Variants in HDDC2 observed in about 807,000 individuals in gnomAD.
HDDC2 encodes HD domain containing 2.
A neutral mutation model predicts 25.5 loss-of-function variants in HDDC2; 25 were observed. The ratio of observed to expected loss-of-function variants is 0.98; its 90% CI spans 0.72 to 1.37. The LOEUF (loss-of-function observed/expected upper bound fraction) is 1.37. Ranked by LOEUF, HDDC2 falls within the 40% of genes most tolerant of loss-of-function variation. HDDC2 has a pLI of 0.00. For missense variants in HDDC2, 264 were observed against 253.1 expected (o/e 1.04, Z -0.29); for synonymous variants, 106 against 89.7 (o/e 1.18, Z -1.03).
chr6:125,276,276 C>A (rs1250553813), intron 5 of HDDC2, 33 bp from the exon 6 acceptor site: 3 of 1,473,290 alleles, frequency 2.0e-6, no homozygotes, highest in Non-Finnish European at 2.8e-6. Flanking sequence ...AAAATACATT[C>A]CCATATTGAC....
intron 4 of HDDC2, among the ~76,000 whole-genome samples, chr6:125,289,645 G>C (rs1410737511): frequency 6.6e-6 from 1 of 152,124 alleles, no homozygotes; most frequent in Non-Finnish European, 1.5e-5. Context: ...TCCCTCCAGG[G>C]TTCTGGGGTC....
At chr6:125,283,853 G>A (rs1433834427) in intron 4 of HDDC2, among the ~76,000 whole-genome samples, 3 of 152,056 alleles carry the variant, frequency 2.0e-5, no homozygotes, top group Admixed American at 2.0e-4. Flanking sequence ...AGCCCACATA[G>A]CCAACACAAT....
At chr6:125,276,992 G>C in intron 5 of HDDC2, 110 bp downstream of exon 5, 1 of 1,045,314 alleles carries the variant, frequency 9.6e-7, no homozygotes, top group Non-Finnish European at 1.4e-6. Flanking sequence ...TGCTCCACAT[G>C]AAAGGGTCAG....
intron 3 of HDDC2, 122 bp downstream of exon 3, chr6:125,298,592 A>T: frequency 1.4e-6 from 1 of 712,870 alleles, no homozygotes. Flanking sequence ...CCCCTTCCTA[A>T]GACACTACTA....
rs1008727982 is a variant in HDDC2 at position 125,275,894 on chromosome 6, A to T, written c.*252T>A. On this transcript the variant is annotated 3_prime_UTR_variant, in exon 6 of 6. Transcript: ENST00000398153. ...AAATATTCTAATATTTTAGGTGTTT[A>T]ATATTTATTTATTTAGTTCATAAAC... 4 of 440,798 alleles carry T rather than the reference A, an allele frequency of 9.1e-6. No homozygotes were observed. Among genetic ancestry groups the T allele is most frequent in the African/African-American group, 8.1e-5 (4 of 49,530 alleles). 27.3% of individuals were successfully genotyped at this position (440,798 alleles called of 1,614,324 possible).
At chr6:125,284,674 G>T (rs908780691) in intron 4 of HDDC2, among the ~76,000 whole-genome samples, 2 of 152,204 alleles carry the variant, frequency 1.3e-5, no homozygotes, top group Non-Finnish European at 2.9e-5. Context: ...ACAGATGCTG[G>T]AGAGGATGTG....
chr6:125,281,699 C>A (rs954323578), intron 4 of HDDC2, among the ~76,000 whole-genome samples: 1 of 152,086 alleles, frequency 6.6e-6, no homozygotes, highest in Non-Finnish European at 1.5e-5. Context: ...AAATATGGGA[C>A]TATGTGAAAA....
intron 5 of HDDC2, 50 bp downstream of exon 5, chr6:125,277,052 C>T (rs1451916817): frequency 1.9e-6 from 3 of 1,599,126 alleles, no homozygotes; most frequent in Non-Finnish European, 1.7e-6. Flanking sequence ...AGTCACTACA[C>T]TGAGTAAGCC....
Position 125,277,324 on chromosome 6 carries a change from T to G in HDDC2, c.379-84A>C. 2.3e-6 allele frequency: 3 copies of G among 1,280,884 alleles called. 1 individual carries two copies. The South Asian group carries it at 3.9e-5, about 17-fold the overall frequency. The allele number at this position is 1,280,884 out of a possible 1,614,324, so 79.3% of individuals were successfully genotyped here. A position where few individuals can be genotyped will look rare whatever the true frequency, so the allele number is the denominator to read the frequency against. On this transcript the variant is annotated intron_variant, in intron 4 of 5. Transcript: ENST00000398153. ...AAAATTCTGACTCTGGTACCCGAAA[T>G]CAGAGTGACAGCTACAAGTACATTC...
chr6:125,282,921 C>A (rs113795390), intron 4 of HDDC2, among the ~76,000 whole-genome samples: 2,274 of 152,250 alleles, frequency 0.015, 79 homozygotes, highest in African/African-American at 0.052. Flanking sequence ...CAAAGAAGGG[C>A]ATTACATAAT....
At chr6:125,287,929 ACGAAGGC>A (rs1402406000) in intron 4 of HDDC2, among the ~76,000 whole-genome samples, 2 of 152,146 alleles carry the variant, frequency 1.3e-5, no homozygotes, top group East Asian at 1.9e-4. Flanking sequence ...CCACACCCAC[ACGAAGGC>A]CGAAGGCCGG....
At chr6:125,283,258 G>A (rs1798486061) in intron 4 of HDDC2, among the ~76,000 whole-genome samples, 1 of 152,150 alleles carries the variant, frequency 6.6e-6, no homozygotes, top group Non-Finnish European at 1.5e-5. Flanking sequence ...ACCGGCACAA[G>A]ACAAGGATGC....
intron 3 of HDDC2, among the ~76,000 whole-genome samples, chr6:125,298,241 T>C (rs1304431467): frequency 6.6e-6 from 1 of 152,032 alleles, no homozygotes; most frequent in African/African-American, 2.4e-5. Flanking sequence ...AAATAAAAGG[T>C]GAAATTAACA....
chr6:125,289,641 C>A (rs1004820343), intron 4 of HDDC2, among the ~76,000 whole-genome samples: 2 of 152,266 alleles, frequency 1.3e-5, no homozygotes, highest in South Asian at 4.2e-4. Flanking sequence ...ACTCTCCCTC[C>A]AGGGTTCTGG....
At chr6:125,301,442 T>TACACAC (rs3039619) in intron 1 of HDDC2, among the ~76,000 whole-genome samples, 2,067 of 145,150 alleles carry the variant, frequency 0.014, 59 homozygotes, top group African/African-American at 0.046. Flanking sequence ...AGCCGCGCTT[T>TACACAC]ACACACACAC....
At chr6:125,293,172 T>G (rs1285278259) in intron 3 of HDDC2, 1 of 520,292 alleles carries the variant, frequency 1.9e-6, no homozygotes, top group Non-Finnish European at 3.5e-6. Flanking sequence ...AAAAGGACAA[T>G]GAGGAGGTCA....
At chr6:125,287,879 G>C (rs915210254) in intron 4 of HDDC2, among the ~76,000 whole-genome samples, 16 of 152,204 alleles carry the variant, frequency 1.1e-4, no homozygotes, top group Middle Eastern at 3.2e-3. Flanking sequence ...CCGCCACAGT[G>C]TCAGGCAGCA....
At position 125,275,576 on chromosome 6, in the gene HDDC2, G is replaced by T. The variant is rs1345664653; in HGVS notation, c.*570C>A. On this transcript the variant is annotated 3_prime_UTR_variant, in exon 6 of 6. Coordinates refer to ENST00000398153, the MANE Select transcript of HDDC2 (RefSeq NM_016063.3). ...ATATCTCTAAATGACAAAAAGTATT[G>T]GGAAGAGGGGCAGAGCCTATTAGTA... is the stretch of plus-strand genomic sequence containing the variant. 2.0e-5 allele frequency: 3 copies of T among 152,234 alleles called. No individual in the cohort carries two copies. The highest frequency in any genetic ancestry group is 4.4e-5 in the Non-Finnish European group (3 of 68,112). 9.4% of individuals were successfully genotyped at this position (152,234 alleles called of 1,614,324 possible).
chr6:125,287,119 G>A (rs1798550053), intron 4 of HDDC2, among the ~76,000 whole-genome samples: 1 of 152,102 alleles, frequency 6.6e-6, no homozygotes, highest in South Asian at 2.1e-4. Context: ...AACTCTATAG[G>A]TCAAATGGTC....
Sources: allele counts gnomAD v4.1 joint callset (sites outside exome capture counted in the v4.1 genomes callset), GRCh38; gene constraint gnomAD v4.1.1; transcripts MANE v1.5; gene names NCBI Gene and HGNC (gene_info 2026-07-23, HGNC 2026-07-21).